Variants in ARL14EPL observed in about 807,000 individuals in gnomAD.
ARL14EPL encodes ARF like GTPase 14 effector protein like.
Under a neutral mutation model 15.9 loss-of-function variants are expected in ARL14EPL, and 17 were observed. The observed-to-expected ratio is 1.07, with a 90% CI of 0.73 to 1.60. The LOEUF (loss-of-function observed/expected upper bound fraction) is 1.60, where lower values mean the gene tolerates loss of function less well. ARL14EPL is among the 40% of genes most tolerant of loss of function. The pLI, the probability that ARL14EPL is intolerant of heterozygous loss-of-function variation, is 0.00. For synonymous variants in ARL14EPL, 78 were observed against 63.8 expected (o/e 1.22, Z -1.06); for missense variants, 214 against 185.9 (o/e 1.15, Z -0.88).
At chr5:116,040,850 G>A (rs2560677) in intron 1 of ARL14EPL, among the ~76,000 whole-genome samples, 63,563 of 146,494 alleles carry the variant, frequency 0.43, 15,044 homozygotes, top group African/African-American at 0.63. Context: ...GCGTGGTGGC[G>A]GGCGCCTGTA....
intron 1 of ARL14EPL, among the ~76,000 whole-genome samples, chr5:116,032,720 A>G (rs1445732155): frequency 1.3e-5 from 2 of 152,198 alleles, no homozygotes; most frequent in African/African-American, 4.8e-5. Context: ...GGTTTCAGGC[A>G]TCCACTGGGG....
intron 1 of ARL14EPL, among the ~76,000 whole-genome samples, chr5:116,049,680 CA>C (rs1477552653): frequency 6.6e-6 from 1 of 152,114 alleles, no homozygotes; most frequent in Non-Finnish European, 1.5e-5. Context: ...TTCTTTCATT[CA>C]TAATATGCTA....
intron 1 of ARL14EPL, among the ~76,000 whole-genome samples, chr5:116,034,859 GA>G (rs1338095380): frequency 2.0e-5 from 3 of 152,098 alleles, no homozygotes; most frequent in African/African-American, 7.2e-5. Context: ...TTAGAGAAGT[GA>G]AAAAACAAAA....
rs879523372 is a variant in ARL14EPL at position 116,053,469 on chromosome 5, TG to T, written c.97-544del. On this transcript the variant is annotated intron_variant, in intron 2 of 3. Transcript: ENST00000686077. The stretch of plus-strand genomic sequence containing the variant: ...TCTCTTGTTCCAATCTGGCTTTGAC[TG>T]AAAGTCGATCCTTCAGGTGGCTGAG... Among the ~76,000 whole-genome samples the T allele has an allele frequency of 7.8e-4, 119 of 152,224 alleles. 3 individuals are homozygous for T. The highest frequency in any genetic ancestry group is 3.4e-3 in the Middle Eastern group (1 of 292).
chr5:116,053,243 A>G lies in ARL14EPL; in HGVS notation c.97-771A>G, dbSNP rs540761149. On this transcript the variant is annotated intron_variant, in intron 2 of 3. Coordinates refer to ENST00000686077, the MANE Select transcript of ARL14EPL (RefSeq NM_001195581.2). ...GGTGCGTGCCTGCAGTCCCACCTACATGGGAGGCTGAGGTGGGAGGATCAC... is the reference window on the plus strand; with the variant it reads ...GGTGCGTGCCTGCAGTCCCACCTACGTGGGAGGCTGAGGTGGGAGGATCAC... 2.6e-5 allele frequency among the ~76,000 whole-genome samples: 4 copies of G among 152,028 alleles called. No homozygotes were observed. The South Asian group carries it at 6.2e-4, about 24-fold the overall frequency.
rs535015697 is a variant in ARL14EPL, at chr5:116,059,414, A to G, written c.*467A>G. ...ATTTGGATTTTGAAGAAAAACTGTG[A>G]CTTTGCACTGTATACCCATAGCCTC... On this transcript the variant is annotated 3_prime_UTR_variant, in exon 4 of 4. Coordinates refer to ENST00000686077, the MANE Select transcript of ARL14EPL (RefSeq NM_001195581.2). The G allele has an allele frequency of 1.2e-5, 2 of 164,956 alleles. No individual in the cohort carries two copies. The highest frequency in any genetic ancestry group is 3.2e-4 in the South Asian group (2 of 6,296). 10.2% of individuals were successfully genotyped at this position (164,956 alleles called of 1,614,324 possible).
chr5:116,055,983 T>A lies in ARL14EPL; in HGVS notation c.236+1830T>A, dbSNP rs572179743. Among the ~76,000 whole-genome samples, 14 of 152,330 alleles carry A rather than the reference T, an allele frequency of 9.2e-5. No individual in the cohort carries two copies. The South Asian group carries it at 2.9e-3, about 32-fold the overall frequency. On this transcript the variant is annotated intron_variant, in intron 3 of 3. Transcript: ENST00000686077. ...CCCTACAAAGGACATGAACTCATCC[T>A]TTTTTATGGTTGCATAGTATTCCAT...
intron 1 of ARL14EPL, among the ~76,000 whole-genome samples, chr5:116,046,261 T>G (rs576855680): frequency 1.3e-5 from 2 of 152,318 alleles, no homozygotes; most frequent in East Asian, 1.9e-4. Flanking sequence ...CTGCTGTGAG[T>G]AAGAACAGAG....
chr5:116,057,747 A>C (rs1749554142), intron 3 of ARL14EPL, among the ~76,000 whole-genome samples: 5 of 152,214 alleles, frequency 3.3e-5, no homozygotes, highest in African/African-American at 2.4e-5. Context: ...GAAAAGGAAC[A>C]GGATGGAACG....
intron 2 of ARL14EPL, among the ~76,000 whole-genome samples, chr5:116,053,360 A>G (rs1244827821): frequency 1.3e-5 from 2 of 148,368 alleles, no homozygotes; most frequent in African/African-American, 5.1e-5. Context: ...TCAAAAAAAA[A>G]AAGAAAAGAA....
At chr5:116,047,599 C>A (rs1002307412) in intron 1 of ARL14EPL, among the ~76,000 whole-genome samples, 2 of 152,188 alleles carry the variant, frequency 1.3e-5, no homozygotes, top group African/African-American at 4.8e-5. Context: ...TGCTAAAAGG[C>A]CGAGTGGGGA....
In ARL14EPL at chr5:116,053,889, C is replaced by T. The variant is rs528968737; in HGVS notation, c.97-125C>T. On this transcript the variant is annotated intron_variant, in intron 2 of 3. Coordinates refer to ENST00000686077, the MANE Select transcript of ARL14EPL (RefSeq NM_001195581.2). ...CTTAATTAGATTAAATCGTTTATGT[C>T]TTTGTGTAAAACATATATACTTTCA... The T allele has an allele frequency of 1.1e-5, 8 of 741,488 alleles. No individual in the cohort carries two copies. In the East Asian group the frequency reaches 2.0e-4, roughly 18 times the overall value. The allele number at this position is 741,488 out of a possible 1,614,324, so 45.9% of individuals were successfully genotyped here.
chr5:116,053,631 T>C (rs955206553), intron 2 of ARL14EPL, among the ~76,000 whole-genome samples: 10 of 152,168 alleles, frequency 6.6e-5, no homozygotes, highest in African/African-American at 9.7e-5. Flanking sequence ...CATGGGCTTC[T>C]TTAGCTAACA....
chr5:116,033,331 A>T (rs1748992432), intron 1 of ARL14EPL, among the ~76,000 whole-genome samples: 1 of 152,136 alleles, frequency 6.6e-6, no homozygotes, highest in African/African-American at 2.4e-5. Context: ...TATTCCATTA[A>T]TTACATGAGA....
chr5:116,053,234 C>T (rs1426153417), intron 2 of ARL14EPL, among the ~76,000 whole-genome samples: 3 of 152,060 alleles, frequency 2.0e-5, no homozygotes, highest in Non-Finnish European at 4.4e-5. Context: ...TGCCTGCAGT[C>T]CCACCTACAT....
At chr5:116,036,307 A>C (rs938699930) in intron 1 of ARL14EPL, among the ~76,000 whole-genome samples, 3 of 152,192 alleles carry the variant, frequency 2.0e-5, no homozygotes, top group Non-Finnish European at 4.4e-5. Context: ...GCCTCTCTGA[A>C]AGCTTCTAAA....
At chr5:116,040,816 A>G (rs1319592755) in intron 1 of ARL14EPL, among the ~76,000 whole-genome samples, 5 of 105,258 alleles carry the variant, frequency 4.8e-5, no homozygotes, top group Non-Finnish European at 7.3e-5. Flanking sequence ...TAAAAATACA[A>G]AAAAAAAAAA....
At chr5:116,049,721 A>C (rs945600707) in intron 1 of ARL14EPL, among the ~76,000 whole-genome samples, 2 of 152,208 alleles carry the variant, frequency 1.3e-5, no homozygotes, top group South Asian at 4.1e-4. Flanking sequence ...GGACCATAAA[A>C]GAGAGATAAG....
Position 116,058,998 on chromosome 5 carries a change from G to C in ARL14EPL, c.*51G>C, listed in dbSNP as rs962306370. 54 of 1,495,130 alleles carry C rather than the reference G, an allele frequency of 3.6e-5. No homozygotes were observed. In the African/African-American group the frequency reaches 6.4e-4, roughly 18 times the overall value. 92.6% of individuals were successfully genotyped at this position (1,495,130 alleles called of 1,614,324 possible). On this transcript the variant is annotated 3_prime_UTR_variant, in exon 4 of 4. Coordinates refer to ENST00000686077, the MANE Select transcript of ARL14EPL (RefSeq NM_001195581.2). ...TTTCTTCTTCTTACACATTTAAGTT[G>C]ACCTCTTTCTTTTGGGTGAATTTTA...
Sources: allele counts gnomAD v4.1 joint callset (sites outside exome capture counted in the v4.1 genomes callset), GRCh38; gene constraint gnomAD v4.1.1; transcripts MANE v1.5; gene names NCBI Gene and HGNC (gene_info 2026-07-23, HGNC 2026-07-21).